Variants in ESRRG observed in about 807,000 individuals in gnomAD.
ESRRG encodes estrogen related receptor gamma, also known as estrogen-related receptor gamma.
Under a neutral mutation model 44.0 loss-of-function variants are expected in ESRRG, and 13 were observed. The ratio of observed to expected loss-of-function variants is 0.30; its 90% CI spans 0.19 to 0.47. The LOEUF (loss-of-function observed/expected upper bound fraction) is 0.47. ESRRG is among the 20% of genes least tolerant of loss of function. The pLI, the probability that ESRRG is intolerant of heterozygous loss-of-function variation, is 1.00. For missense variants in ESRRG, 395 were observed against 580.6 expected, an observed-to-expected ratio of 0.68 and a Z score of 3.29; for synonymous variants, 215 against 214.6, an observed-to-expected ratio of 1.00 and a Z score of -0.02.
At chr1:216,832,540 A>T (rs2095502934) in intron 2 of ESRRG, among the ~76,000 whole-genome samples, 1 of 152,176 alleles carries the variant, frequency 6.6e-6, no homozygotes. Context: ...CTCTGAACGA[A>T]ACCCTGCAAG....
At chr1:216,878,114 T>A (rs2818809) in intron 2 of ESRRG, among the ~76,000 whole-genome samples, 75,168 of 152,058 alleles carry the variant, frequency 0.49, 21,244 homozygotes, top group African/African-American at 0.78. Context: ...ACATGGTGTT[T>A]TATAATACCT....
intron 1 of ESRRG, among the ~76,000 whole-genome samples, chr1:216,702,474 A>G (rs920624510): frequency 9.9e-5 from 15 of 152,070 alleles, no homozygotes; most frequent in African/African-American, 2.9e-4. Context: ...ATTAGATATT[A>G]CAGGCAAGCC....
At chr1:216,668,717 C>T (rs2074504879) in intron 2 of ESRRG, among the ~76,000 whole-genome samples, 1 of 152,152 alleles carries the variant, frequency 6.6e-6, no homozygotes, top group Non-Finnish European at 1.5e-5. Flanking sequence ...AACACACACA[C>T]ACACTCACAC....
intron 2 of ESRRG, among the ~76,000 whole-genome samples, chr1:216,933,442 A>G (rs879324504): frequency 2.6e-4 from 39 of 152,040 alleles, no homozygotes; most frequent in Non-Finnish European, 4.0e-4. Flanking sequence ...AATGAAAAAA[A>G]AAAAAATTCG....
chr1:216,792,103 C>A (rs2094337217), intron 2 of ESRRG, among the ~76,000 whole-genome samples: 1 of 152,076 alleles, frequency 6.6e-6, no homozygotes, highest in Non-Finnish European at 1.5e-5. Flanking sequence ...TCTAAAATAT[C>A]AAATTTAAAG....
At chr1:217,009,203 T>C (rs2078186423) in intron 1 of ESRRG, among the ~76,000 whole-genome samples, 2 of 152,208 alleles carry the variant, frequency 1.3e-5, no homozygotes, top group Admixed American at 1.3e-4. Flanking sequence ...CTTACCGCTC[T>C]CACAGCACCC....
chr1:216,635,511 T>C (rs562870990), intron 3 of ESRRG, among the ~76,000 whole-genome samples: 102 of 152,318 alleles, frequency 6.7e-4, no homozygotes, highest in African/African-American at 2.4e-3. Context: ...CAGATTAGCA[T>C]GTGCAAAAGT....
chr1:216,639,239 A>G (rs902435709), intron 3 of ESRRG, among the ~76,000 whole-genome samples: 37 of 152,168 alleles, frequency 2.4e-4, no homozygotes, highest in African/African-American at 8.7e-4. Flanking sequence ...AGAGGAAACT[A>G]TGAGAACAAC....
rs139757331 is a variant in ESRRG at position 216,600,725 on chromosome 1, G to C, written c.590-32627C>G. ...GGTATACAGATGACTGCATTTATCT[G>C]AAGTCCTGTGAAAAAACTTTACAAT... is the stretch of plus-strand genomic sequence containing the variant. On this transcript the variant is annotated intron_variant, in intron 3 of 6. Coordinates refer to ENST00000408911, the MANE Select transcript of ESRRG (RefSeq NM_001438.4). 3.9e-4 allele frequency among the ~76,000 whole-genome samples: 59 copies of C among 152,250 alleles called. 1 individual carries two copies. The East Asian group carries it at 0.011, about 28-fold the overall frequency.
chr1:216,789,009 A>G (rs2094223401), intron 2 of ESRRG, among the ~76,000 whole-genome samples: 1 of 152,162 alleles, frequency 6.6e-6, no homozygotes. Context: ...CTTACGGATG[A>G]GTGGTTTCTT....
chr1:216,746,297 C>A (rs1239756719), intron 2 of ESRRG, among the ~76,000 whole-genome samples: 1 of 152,150 alleles, frequency 6.6e-6, no homozygotes, highest in Non-Finnish European at 1.5e-5. Context: ...ACAACACATG[C>A]TTTTCCTAGA....
chr1:216,897,725 T>G (rs2058586048), intron 2 of ESRRG, among the ~76,000 whole-genome samples: 1 of 152,120 alleles, frequency 6.6e-6, no homozygotes, highest in African/African-American at 2.4e-5. Context: ...AGGGTTCAAT[T>G]GCCTCAGTTC....
intron 2 of ESRRG, among the ~76,000 whole-genome samples, chr1:216,662,359 C>T (rs1459588728): frequency 6.6e-6 from 1 of 152,038 alleles, no homozygotes; most frequent in African/African-American, 2.4e-5. Context: ...ATGCCATGGA[C>T]TCAGTCATAA....
In ESRRG at chr1:216,535,864, A is replaced by G. The variant is rs575751463; in HGVS notation, c.863-16443T>C. Among the ~76,000 whole-genome samples the G allele has an allele frequency of 1.2e-3, 188 of 152,182 alleles. 1 individual carries two copies. Among genetic ancestry groups the G allele is most frequent in the Middle Eastern group, 0.01 (3 of 294 alleles). On this transcript the variant is annotated intron_variant, in intron 5 of 6. Transcript: ENST00000408911. ...CTGTTCACTGCATCCCTTCACCACGAAAATTCCTGACAAAATGGTGTACAT... is the reference window on the plus strand; with the variant it reads ...CTGTTCACTGCATCCCTTCACCACGGAAATTCCTGACAAAATGGTGTACAT...
Position 216,916,834 on chromosome 1 carries a change from C to CTTTTTTTTT in ESRRG, c.-14+22739_-14+22747dup, listed in dbSNP as rs749847047. On this transcript the variant is annotated intron_variant, in intron 2 of 7. Coordinates refer to the ESRRG transcript ENST00000359162. ...GGTTCAAATTCCACTCAGCTTTGGT[C>CTTTTTTTTT]TTTTTTTTTTTTTTTTTTTTTTTTT... 3.4e-4 allele frequency among the ~76,000 whole-genome samples: 21 copies of CTTTTTTTTT among 62,478 alleles called. 5 individuals are homozygous for CTTTTTTTTT. The highest frequency in any genetic ancestry group is 6.4e-4 in the South Asian group (1 of 1,558). The allele number at this position is 62,478 out of a possible 152,430, so 41.0% of individuals were successfully genotyped here.
In ESRRG at chr1:216,936,527, G is replaced by C. The variant is rs904033793; in HGVS notation, c.-14+3055C>G. The C allele has an allele frequency of 3.3e-5, 5 of 151,808 alleles. No individual in the cohort carries two copies. In the East Asian group the frequency reaches 9.7e-4, roughly 29 times the overall value. 9.4% of individuals were successfully genotyped at this position (151,808 alleles called of 1,614,324 possible). ...CACACAAACACACACACACACACGA[G>C]TATAAATATAAATATATATAGCCAG... On this transcript the variant is annotated intron_variant, in intron 2 of 7. Transcript: ENST00000359162.
intron 1 of ESRRG, among the ~76,000 whole-genome samples, chr1:216,984,140 T>A (rs1265758832): frequency 6.6e-6 from 1 of 152,160 alleles, no homozygotes. Context: ...AAGCAAATCT[T>A]GTGCTTTGTT....
rs1451500370 is a variant in ESRRG, at chr1:216,504,000, T to C, written c.*2939A>G. The stretch of plus-strand genomic sequence containing the variant: ...TTACCCTAAAGCCCGTGCAGTTCTT[T>C]TTAAATCCACGTTTTAGTTTTATTT... On this transcript the variant is annotated 3_prime_UTR_variant, in exon 7 of 7. Transcript: ENST00000408911. 6.6e-6 allele frequency: 1 copy of C among 152,582 alleles called. No homozygotes were observed. Among genetic ancestry groups the C allele is most frequent in the East Asian group, 1.9e-4 (1 of 5,184 alleles). 9.5% of individuals were successfully genotyped at this position (152,582 alleles called of 1,614,324 possible). A position where few individuals can be genotyped will look rare whatever the true frequency, so the allele number is the denominator to read the frequency against.
chr1:217,018,421 G>C (rs796892328), intron 1 of ESRRG, among the ~76,000 whole-genome samples: 17 of 152,168 alleles, frequency 1.1e-4, no homozygotes, highest in African/African-American at 3.9e-4. Flanking sequence ...GCACCTTTCT[G>C]CTAAAATCTT....
Sources: allele counts gnomAD v4.1 joint callset (sites outside exome capture counted in the v4.1 genomes callset), GRCh38; gene constraint gnomAD v4.1.1; transcripts MANE v1.5; gene names NCBI Gene and HGNC (gene_info 2026-07-23, HGNC 2026-07-21).